The following GALNT14 variants were observed in gnomAD, a reference collection of about 807,000 sequenced individuals.
GALNT14 encodes polypeptide N-acetylgalactosaminyltransferase 14, also known as UDP-GalNAc:polypeptide N-acetylgalactosaminyltransferase 14.
Under a neutral mutation model 77.5 loss-of-function variants are expected in GALNT14, and 60 were observed. The observed-to-expected ratio is 0.77, with a 90% confidence interval of 0.63 to 0.96. The LOEUF is 0.96. GALNT14 is among the 40% of genes least tolerant of loss of function. The probability of loss-of-function intolerance (pLI) is 0.00; values close to 1 mark genes in which losing one functional copy is unlikely to be tolerated. For missense variants in GALNT14, 710 were observed against 731.0 expected, an observed-to-expected ratio of 0.97 and a Z score of 0.33; for synonymous variants, 280 against 281.7, an observed-to-expected ratio of 0.99 and a Z score of 0.06.
rs200133273 is a variant in GALNT14 at position 30,929,418 on chromosome 2, G to T, written c.1128C>A (p.Phe376Leu). The T allele has an allele frequency of 1.2e-6, 2 of 1,613,958 alleles. No individual in the cohort carries two copies. The highest frequency in any genetic ancestry group is 1.7e-6 in the Non-Finnish European group (2 of 1,179,956). ...YKQYYYAARP[F>L]ALERPFGNVE... Reference sequence around the variant, plus strand: ...ACTTCCCGAAGGGCCTCTCCAGGGCGAATGGCCGGGCAGCGTAATAGTATT... The same window carrying T: ...ACTTCCCGAAGGGCCTCTCCAGGGCTAATGGCCGGGCAGCGTAATAGTATT... Residue 376 changes from phenylalanine to leucine, a missense_variant, in exon 11 of 15, where the codon TTC becomes TTA. Physicochemically the swap from Phe to Leu is conservative, Grantham distance 22. Transcript: ENST00000349752.
intron 1 of GALNT14, among the ~76,000 whole-genome samples, chr2:31,112,401 A>C (rs972898254): frequency 6.6e-6 from 1 of 152,182 alleles, no homozygotes; most frequent in African/African-American, 2.4e-5. Context: ...CCTCATGGTA[A>C]ACTGTGAAAA....
chr2:31,101,136 A>T (rs113296415), intron 1 of GALNT14, among the ~76,000 whole-genome samples: 1,725 of 152,186 alleles, frequency 0.011, 13 homozygotes, highest in South Asian at 0.028. Context: ...TTTTAATTTT[A>T]AAATGATCAT....
chr2:30,905,954 C>A (rs1384397240), downstream of GALNT14, among the ~76,000 whole-genome samples: 1 of 151,652 alleles, frequency 6.6e-6, no homozygotes, highest in Non-Finnish European at 1.5e-5. Context: ...TCATATCCAG[C>A]CAAACTAAGC....
chr2:31,030,579 G>A (rs1216438306), intron 1 of GALNT14, among the ~76,000 whole-genome samples: 1 of 152,164 alleles, frequency 6.6e-6, no homozygotes, highest in Non-Finnish European at 1.5e-5. Context: ...ATTCACAGGA[G>A]GATACCCAGA....
chr2:31,099,062 T>G (rs1677137939), intron 1 of GALNT14, among the ~76,000 whole-genome samples: 1 of 152,144 alleles, frequency 6.6e-6, no homozygotes, highest in Non-Finnish European at 1.5e-5. Flanking sequence ...TCTGAATTTA[T>G]TCTAATTCTA....
chr2:31,016,062 G>A (rs749722300), intron 1 of GALNT14, among the ~76,000 whole-genome samples: 4 of 152,120 alleles, frequency 2.6e-5, no homozygotes, highest in South Asian at 4.2e-4. Context: ...GCATGGATCC[G>A]CTCGGGCTAC....
chr2:30,958,394 T>C lies in GALNT14; in HGVS notation c.466+3A>G. 6.2e-7 allele frequency: 1 copy of C among 1,613,392 alleles called. No individual in the cohort carries two copies. The highest frequency in any genetic ancestry group is 8.5e-7 in the Non-Finnish European group (1 of 1,179,354). ...TAAAGAGCAAGTGAGCAACATGACT[T>C]ACGGTCATTGCTGAAGTCATCCACT... On this transcript the variant is annotated splice_donor_region_variant and intron_variant, in intron 4 of 14. Transcript: ENST00000349752.
At chr2:30,943,214 T>A (rs576202906) in intron 8 of GALNT14, among the ~76,000 whole-genome samples, 3 of 152,118 alleles carry the variant, frequency 2.0e-5, no homozygotes, top group Non-Finnish European at 1.5e-5. Context: ...ACCCTCATAT[T>A]TTTTTCCTTT....
intron 7 of GALNT14, 77 bp from the exon 8 acceptor site, chr2:30,945,019 T>G (rs553092145): frequency 7.7e-7 from 1 of 1,298,412 alleles, no homozygotes; most frequent in Admixed American, 2.1e-5. Flanking sequence ...CAGAAGGTCA[T>G]GAATGTACCC....
intron 1 of GALNT14, among the ~76,000 whole-genome samples, chr2:31,094,749 C>T (rs1676919423): frequency 1.3e-5 from 2 of 152,200 alleles, no homozygotes; most frequent in South Asian, 4.1e-4. Context: ...TAGGCTGTTT[C>T]TGGCCCATAC....
Position 31,064,775 on chromosome 2 carries a change from A to G in GALNT14, c.130-71768T>C, listed in dbSNP as rs1040392500. ...CTTCTCGGAAATGGCTCTGCTCTCA[A>G]TAAATCCAATAGGGGAAGGTGAAGG... On this transcript the variant is annotated intron_variant, in intron 1 of 14. Transcript: ENST00000349752. Among the ~76,000 whole-genome samples, 3 of 152,086 alleles carry G rather than the reference A, an allele frequency of 2.0e-5. No homozygotes were observed. In the South Asian group the frequency reaches 6.2e-4, roughly 32 times the overall value.
At chr2:31,008,146 G>A (rs1045673326) in intron 1 of GALNT14, among the ~76,000 whole-genome samples, 2 of 152,092 alleles carry the variant, frequency 1.3e-5, no homozygotes, top group Non-Finnish European at 2.9e-5. Context: ...CTTCAGTAGT[G>A]CAATCATTGC....
At chr2:30,909,079 A>G (rs924055599), downstream of GALNT14, among the ~76,000 whole-genome samples, 1 of 152,046 alleles carries the variant, frequency 6.6e-6, no homozygotes, top group African/African-American at 2.4e-5. Flanking sequence ...TAAAGACTTA[A>G]ATGTTAGACC....
chr2:30,995,818 T>C lies in GALNT14; in HGVS notation c.130-2811A>G, dbSNP rs370097245. 2.6e-5 allele frequency among the ~76,000 whole-genome samples: 4 copies of C among 152,258 alleles called. 1 individual carries two copies. The highest frequency in any genetic ancestry group is 1.9e-4 in the East Asian group (1 of 5,184). On this transcript the variant is annotated intron_variant, in intron 1 of 14. Transcript: ENST00000349752. ...GGCACTGCATAGTACTATATGATCTTTTATATATATAGTTTAAGTTGACAC... is the reference window on the plus strand; with the variant it reads ...GGCACTGCATAGTACTATATGATCTCTTATATATATAGTTTAAGTTGACAC...
chr2:31,073,769 G>A (rs988367913), intron 1 of GALNT14, among the ~76,000 whole-genome samples: 3 of 152,196 alleles, frequency 2.0e-5, no homozygotes, highest in African/African-American at 7.2e-5. Flanking sequence ...CTGGAGGGTT[G>A]TGACTTGGAG....
chr2:30,949,437 T>C (rs1666898928), intron 6 of GALNT14, among the ~76,000 whole-genome samples: 1 of 152,062 alleles, frequency 6.6e-6, no homozygotes, highest in Non-Finnish European at 1.5e-5. Context: ...CCCAGCAGGA[T>C]GTATCTTTAA....
intron 1 of GALNT14, among the ~76,000 whole-genome samples, chr2:31,060,874 A>G (rs1674548480): frequency 6.6e-6 from 1 of 152,186 alleles, no homozygotes; most frequent in Non-Finnish European, 1.5e-5. Flanking sequence ...GCCCCAGGAC[A>G]CAGCAGTGTG....
chr2:30,960,129 G>C (rs77170844), intron 3 of GALNT14, among the ~76,000 whole-genome samples: 1,813 of 152,280 alleles, frequency 0.012, 39 homozygotes, highest in African/African-American at 0.041. Flanking sequence ...TGAGCTCACT[G>C]TCTCTGTCTT....
At chr2:30,891,692 C>A in the GALNT14 span, among the ~76,000 whole-genome samples, 3 of 152,068 alleles carry the variant, frequency 2.0e-5, no homozygotes, top group Non-Finnish European at 4.4e-5. Flanking sequence ...CCAGTCAGTG[C>A]GGATGGGTAA....
Sources: allele counts gnomAD v4.1 joint callset (sites outside exome capture counted in the v4.1 genomes callset), GRCh38; gene constraint gnomAD v4.1.1; transcripts MANE v1.5; gene names NCBI Gene and HGNC (gene_info 2026-07-23, HGNC 2026-07-21).